Variants in EPC2 observed in about 807,000 individuals in gnomAD.
EPC2 encodes enhancer of polycomb homolog 2.
Under a neutral mutation model 92.1 loss-of-function variants are expected in EPC2, and 14 were observed. The ratio of observed to expected loss-of-function variants is 0.15; its 90% confidence interval spans 0.10 to 0.24. The LOEUF is 0.24. Among genes scored for constraint, EPC2 ranks in the 10% least tolerant of loss-of-function variants. The probability of loss-of-function intolerance (pLI) is 1.00; values close to 1 mark genes in which losing one functional copy is unlikely to be tolerated. For synonymous variants in EPC2, 340 were observed against 334.7 expected (o/e 1.02, Z -0.17); for missense variants, 755 against 971.5 (o/e 0.78, Z 2.96).
intron 1 of EPC2, among the ~76,000 whole-genome samples, chr2:148,682,423 T>C (rs1171016326): frequency 1.3e-5 from 2 of 152,228 alleles, no homozygotes; most frequent in African/African-American, 2.4e-5. Context: ...TTCATAAGCC[T>C]TTATCTCCAC....
chr2:148,751,349 T>G (rs1302303539), intron 3 of EPC2, among the ~76,000 whole-genome samples: 4 of 152,112 alleles, frequency 2.6e-5, no homozygotes, highest in African/African-American at 9.7e-5. Context: ...AAGAAAAGCC[T>G]ATATGGTAGG....
At position 148,679,557 on chromosome 2, in the gene EPC2, C is replaced by T. The variant is rs188791122; in HGVS notation, c.154-10657C>T. 1.8e-4 allele frequency among the ~76,000 whole-genome samples: 28 copies of T among 152,244 alleles called. No homozygotes were observed. The East Asian group carries it at 2.3e-3, about 13-fold the overall frequency. ...AGTATAGGAGAACATGGGCTTAAAT[C>T]GTTAGAAATTACTGATTCCAGCCTT... On this transcript the variant is annotated intron_variant, in intron 1 of 13. Transcript: ENST00000258484.
intron 1 of EPC2, among the ~76,000 whole-genome samples, chr2:148,677,487 CA>C (rs1681291295): frequency 2.0e-5 from 3 of 152,158 alleles, no homozygotes; most frequent in African/African-American, 7.2e-5. Flanking sequence ...CCAACTTGGG[CA>C]ACATAGTGAG....
At chr2:148,765,764 G>A (rs1045641189) in intron 7 of EPC2, among the ~76,000 whole-genome samples, 3 of 152,178 alleles carry the variant, frequency 2.0e-5, no homozygotes, top group South Asian at 2.1e-4. Flanking sequence ...CCGGCCAGGC[G>A]TGGTGGCTCA....
chr2:148,658,231 T>C (rs971205970), intron 1 of EPC2, among the ~76,000 whole-genome samples: 1 of 152,164 alleles, frequency 6.6e-6, no homozygotes, highest in Non-Finnish European at 1.5e-5. Context: ...GAAGCTTATG[T>C]TACACATGTA....
chr2:148,774,416 C>T (rs1683582288), intron 10 of EPC2, among the ~76,000 whole-genome samples: 1 of 150,886 alleles, frequency 6.6e-6, no homozygotes. Context: ...CACTTGAGGC[C>T]AGGAGTTCGA....
In EPC2 at chr2:148,645,143, C is replaced by A. The variant is rs372219517; in HGVS notation, c.126C>A (p.Pro42=). Residue 42 remains proline, a synonymous_variant, in exon 1 of 14, where the codon CCC becomes CCA. Transcript: ENST00000258484. ...VSINRAVPQM[P]TGMEKEEESE... is the part of the protein sequence containing the mutation. ...TCAACCGGGCCGTGCCCCAGATGCCCACCGGGATGGAGAAGGAGGAGGAAT... is the reference window on the plus strand; with the variant it reads ...TCAACCGGGCCGTGCCCCAGATGCCAACCGGGATGGAGAAGGAGGAGGAAT... 3.1e-6 allele frequency: 5 copies of A among 1,609,824 alleles called. No homozygotes were observed. Among genetic ancestry groups the A allele is most frequent in the African/African-American group, 1.3e-5 (1 of 74,724 alleles).
At chr2:148,751,627 C>T (rs1322547332) in intron 3 of EPC2, among the ~76,000 whole-genome samples, 1 of 152,002 alleles carries the variant, frequency 6.6e-6, no homozygotes, top group Non-Finnish European at 1.5e-5. Context: ...AGTTGCATGC[C>T]ACTGTGCCTG....
chr2:148,713,840 ACT>A (rs1465984071), intron 2 of EPC2, among the ~76,000 whole-genome samples: 2 of 152,062 alleles, frequency 1.3e-5, no homozygotes, highest in African/African-American at 4.8e-5. Context: ...GTGTAGGTAC[ACT>A]CTGTGATGTT....
At chr2:148,777,362 C>T (rs1683666990) in intron 10 of EPC2, among the ~76,000 whole-genome samples, 1 of 152,048 alleles carries the variant, frequency 6.6e-6, no homozygotes, top group South Asian at 2.1e-4. Flanking sequence ...CCCAAGAATA[C>T]ATCTTAGCCC....
intron 2 of EPC2, among the ~76,000 whole-genome samples, chr2:148,722,775 A>G (rs1354356213): frequency 6.6e-6 from 1 of 152,216 alleles, no homozygotes; most frequent in Non-Finnish European, 1.5e-5. Flanking sequence ...GTCAACCTAA[A>G]TGCCTATCAA....
chr2:148,646,528 T>C (rs930520831), intron 1 of EPC2, among the ~76,000 whole-genome samples: 2 of 152,048 alleles, frequency 1.3e-5, no homozygotes, highest in African/African-American at 2.4e-5. Flanking sequence ...TATATAAATA[T>C]GTTTATAATC....
chr2:148,715,831 A>C (rs1232362366), intron 2 of EPC2, among the ~76,000 whole-genome samples: 1 of 152,178 alleles, frequency 6.6e-6, no homozygotes, highest in Non-Finnish European at 1.5e-5. Flanking sequence ...CCATTTTCAC[A>C]ATATTGATTC....
chr2:148,685,261 C>G (rs1368135014), intron 1 of EPC2, among the ~76,000 whole-genome samples: 1 of 141,070 alleles, frequency 7.1e-6, no homozygotes, highest in Non-Finnish European at 1.5e-5. Context: ...TTTTTTTTTT[C>G]TTTATTGTTC....
chr2:148,707,991 T>G (rs1682041911), intron 2 of EPC2, among the ~76,000 whole-genome samples: 1 of 148,822 alleles, frequency 6.7e-6, no homozygotes, highest in Admixed American at 6.6e-5. Context: ...AAGAAATAAC[T>G]TAAGATCAGA....
chr2:148,741,529 A>C (rs1476155384), intron 2 of EPC2, among the ~76,000 whole-genome samples: 1 of 152,154 alleles, frequency 6.6e-6, no homozygotes, highest in Non-Finnish European at 1.5e-5. Context: ...ATAATTATAT[A>C]CATCTGTTCC....
At chr2:148,737,616 G>GTT (rs1438543587) in intron 2 of EPC2, among the ~76,000 whole-genome samples, 1 of 151,996 alleles carries the variant, frequency 6.6e-6, no homozygotes, top group African/African-American at 2.4e-5. Context: ...AACGTTTGTA[G>GTT]GTCAAACCTT....
chr2:148,710,117 C>G (rs1416004535), intron 2 of EPC2, among the ~76,000 whole-genome samples: 3 of 152,120 alleles, frequency 2.0e-5, no homozygotes, highest in Non-Finnish European at 2.9e-5. Flanking sequence ...GGGGTAATAT[C>G]CAGAATCTAC....
chr2:148,767,197 CAAAA>C (rs11364622), intron 7 of EPC2, among the ~76,000 whole-genome samples: 9 of 124,314 alleles, frequency 7.2e-5, no homozygotes, highest in Non-Finnish European at 6.7e-5. Context: ...GACCCTGTTT[CAAAA>C]AAAAAAAAAA....
Sources: gnomAD v4.1 joint callset for allele counts (sites outside exome capture counted in the v4.1 genomes callset) on GRCh38, gnomAD v4.1.1 for gene constraint, MANE v1.5 for transcripts, NCBI Gene and HGNC (gene_info 2026-07-23, HGNC 2026-07-21) for gene names.